QTGAL: variants seen among roughly 807,000 people sequenced by gnomAD.
The protein encoded by QTGAL is queuosine-tRNA galactosyltransferase.
the QTGAL span, chr17:82,945,039 G>C: frequency 6.6e-6 from 1 of 152,190 alleles, no homozygotes; most frequent in Non-Finnish European, 1.5e-5. Flanking sequence ...TCCCAGACAA[G>C]GGCAGAAGAT....
chr17:82,970,514 T>TCCTCCGCACCCAGTGTGGACACGA, the QTGAL span, among the ~76,000 whole-genome samples: 84 of 56,660 alleles, frequency 1.5e-3, 3 homozygotes, highest in African/African-American at 5.1e-3. Flanking sequence ...CAAACACAGG[T>TCCTCCGCACCCAGTGTGGACACGA]CCTCCCCACC....
At chr17:82,983,701 G>C in the QTGAL span, among the ~76,000 whole-genome samples, 3 of 152,214 alleles carry the variant, frequency 2.0e-5, no homozygotes, top group Non-Finnish European at 4.4e-5. Context: ...AGCGGCTCCC[G>C]TTATGCAGCC....
At chr17:82,961,258 G>A in the QTGAL span, 25 of 1,524,632 alleles carry the variant, frequency 1.6e-5, no homozygotes, top group Admixed American at 8.1e-5. Flanking sequence ...CTACACCTGC[G>A]CTCAGCCGGC....
chr17:83,033,538 C>T, the QTGAL span, among the ~76,000 whole-genome samples: 2 of 149,840 alleles, frequency 1.3e-5, no homozygotes, highest in Non-Finnish European at 2.9e-5. Context: ...GTGGCGTGAT[C>T]TCGGCTCACT....
At chr17:82,956,471 T>G in the QTGAL span, among the ~76,000 whole-genome samples, 1 of 152,166 alleles carries the variant, frequency 6.6e-6, no homozygotes, top group Non-Finnish European at 1.5e-5. This position sits in a 1 kb window ranked among gnomAD's most constrained non-coding sequence, Gnocchi z 5.7. Context: ...CCCACACCCA[T>G]GCAGGCCACC....
the QTGAL span, among the ~76,000 whole-genome samples, chr17:82,964,029 G>GGGGT: frequency 4.2e-5 from 6 of 143,840 alleles, no homozygotes; most frequent in African/African-American, 1.5e-4. Flanking sequence ...GGCTGAGGTC[G>GGGGT]GGGGGGTGGA....
chr17:83,033,416 G>C, the QTGAL span, among the ~76,000 whole-genome samples: 1 of 151,946 alleles, frequency 6.6e-6, no homozygotes. Flanking sequence ...GATAGAAAAT[G>C]CAAAGTTACA....
the QTGAL span, chr17:82,944,723 G>C: frequency 1.3e-5 from 2 of 152,204 alleles, no homozygotes; most frequent in Admixed American, 6.5e-5. Context: ...ACACGTTCTA[G>C]GTGCTAACCA....
At chr17:83,019,074 C>T in the QTGAL span, among the ~76,000 whole-genome samples, 2 of 152,160 alleles carry the variant, frequency 1.3e-5, no homozygotes, top group African/African-American at 2.4e-5. Flanking sequence ...ACGATGACGC[C>T]GCCGGAATGG....
At chr17:82,957,491 CGTCCTGCG>C in the QTGAL span, 1 of 1,601,076 alleles carries the variant, frequency 6.2e-7, no homozygotes, top group Non-Finnish European at 8.5e-7. Context: ...TCCAGATGGT[CGTCCTGCG>C]GTGGAGAAGA....
the QTGAL span, among the ~76,000 whole-genome samples, chr17:82,972,507 C>CCA: frequency 4.3e-5 from 4 of 93,988 alleles, no homozygotes; most frequent in African/African-American, 1.9e-4. Context: ...ACACACCACA[C>CCA]CATGGGCCAG....
the QTGAL span, among the ~76,000 whole-genome samples, chr17:83,001,325 G>A: frequency 2.0e-5 from 3 of 152,110 alleles, no homozygotes; most frequent in Admixed American, 6.6e-5. Flanking sequence ...ACATAGTCAA[G>A]GAAAAGGAAG....
At chr17:83,013,774 G>A in the QTGAL span, among the ~76,000 whole-genome samples, 10 of 152,280 alleles carry the variant, frequency 6.6e-5, no homozygotes, top group South Asian at 1.0e-3. Flanking sequence ...CACTGTGGGC[G>A]CTGGACAGTT....
the QTGAL span, among the ~76,000 whole-genome samples, chr17:82,969,487 G>T: frequency 6.6e-6 from 1 of 152,140 alleles, no homozygotes; most frequent in Non-Finnish European, 1.5e-5. Context: ...GGGATTACAG[G>T]CGTGAGCCAC....
At chr17:83,051,690 C>T in the QTGAL span, 2 of 1,429,624 alleles carry the variant, frequency 1.4e-6, no homozygotes, top group Non-Finnish European at 1.8e-6. Flanking sequence ...TGAGGGGACG[C>T]GAGGACCCAG....
the QTGAL span, chr17:82,942,214 T>C: frequency 2.5e-5 from 15 of 592,866 alleles, 1 homozygote; most frequent in South Asian, 3.2e-4. Flanking sequence ...TTAAGAGCAG[T>C]GCAGTGAACC....
chr17:82,992,936 G>C, the QTGAL span, among the ~76,000 whole-genome samples: 74 of 152,080 alleles, frequency 4.9e-4, no homozygotes, highest in African/African-American at 1.6e-3. Context: ...TTGTAAGCCT[G>C]GTGGTAACCT....
the QTGAL span, among the ~76,000 whole-genome samples, chr17:83,015,802 C>T: frequency 6.6e-6 from 1 of 152,178 alleles, no homozygotes; most frequent in Non-Finnish European, 1.5e-5. This position sits in a 1 kb window ranked among gnomAD's most constrained non-coding sequence, Gnocchi z 4.4. Flanking sequence ...GTCACAGACT[C>T]CTTATGAGCA....
chr17:83,024,815 C>T, the QTGAL span, among the ~76,000 whole-genome samples: 29,924 of 152,242 alleles, frequency 0.2, 3,587 homozygotes, highest in Non-Finnish European at 0.26. Context: ...GTGACCAGAA[C>T]GCTGTGGCCA....
Sources: gnomAD v4.1 joint callset for allele counts (sites outside exome capture counted in the v4.1 genomes callset) on GRCh38, gnomAD v4.1.1 for gene constraint, Gnocchi (gnomAD v3.1) non-coding constraint, MANE v1.5 for transcripts, NCBI Gene and HGNC (gene_info 2026-07-23, HGNC 2026-07-21) for gene names.